Variants in ZNF839 observed in about 807,000 individuals in gnomAD.
The protein encoded by ZNF839 is renal carcinoma antigen NY-REN-50.
Under a neutral mutation model 56.4 loss-of-function variants are expected in ZNF839, and 38 were observed. The ratio of observed to expected loss-of-function variants is 0.67; its 90% CI spans 0.52 to 0.88. The LOEUF (loss-of-function observed/expected upper bound fraction) is 0.88, where lower values mean the gene tolerates loss of function less well. Among genes scored for constraint, ZNF839 ranks in the 40% least tolerant of loss-of-function variants. The pLI, the probability that ZNF839 is intolerant of heterozygous loss-of-function variation, is 0.00. For synonymous variants in ZNF839, 486 were observed against 493.5 expected (o/e 0.98, Z 0.20); for missense variants, 1,091 against 1,177.6 (o/e 0.93, Z 1.08).
rs377689182 is a variant in ZNF839 at position 102,331,715 on chromosome 14, C to T, written c.1285C>T (p.Arg429Cys). The T allele has an allele frequency of 1.2e-5, 20 of 1,609,742 alleles. No homozygotes were observed. The highest frequency in any genetic ancestry group is 5.1e-5 in the Admixed American group (3 of 59,344). Residue 429 changes from arginine to cysteine, a missense_variant, in exon 3 of 8, where the codon CGC (arginine) becomes TGC (cysteine). Arg to Cys is a radical substitution (Grantham distance 180). This residue lies in a region of ZNF839 where 614 missense variants were observed against 629.2 expected (regional missense o/e 0.98). Transcript: ENST00000442396. ...AGAGAGATACCAAGGACCTAGAAGA[C>T]GCGCATGCTCAGAGACCCTTGCAGA... is the stretch of plus-strand genomic sequence containing the variant. ...RSERYQGPRR[R>C]ACSETLAESR...
chr14:102,338,734 G>GT, intron 5 of ZNF839, 82 bp from the exon 6 acceptor site: 1 of 1,582,158 alleles, frequency 6.3e-7, no homozygotes, highest in Non-Finnish European at 8.6e-7. Context: ...CTATGAAGTC[G>GT]TTTAATTCTT....
chr14:102,331,646 G>A lies in ZNF839; in HGVS notation c.1216G>A (p.Glu406Lys). 1 of 1,612,250 alleles carries A rather than the reference G, an allele frequency of 6.2e-7. No individual in the cohort carries two copies. The highest frequency in any genetic ancestry group is 1.1e-5 in the South Asian group (1 of 90,630). Residue 406 changes from glutamate (E) to lysine (K), a missense_variant, in exon 3 of 8, where the codon GAG becomes AAG. This residue lies in a region of ZNF839 where 614 missense variants were observed against 629.2 expected (regional missense o/e 0.98). Coordinates refer to ENST00000442396, the MANE Select transcript of ZNF839 (RefSeq NM_018335.6). ...GAATGGTCAGTCTGTAGACGTTGAA[G>A]AGACATTGCCATCTGAACCAGAAAA... Reference protein sequence around the residue: ...LQNGQSVDVEETLPSEPENGA... With the variant: ...LQNGQSVDVEKTLPSEPENGA...
chr14:102,328,375 A>AAATATATAT (rs1197718891), intron 2 of ZNF839, among the ~76,000 whole-genome samples: 16 of 16,334 alleles, frequency 9.8e-4, no homozygotes, highest in Non-Finnish European at 1.9e-3. Context: ...AAAAAAAAAA[A>AAATATATAT]ATATATATAT....
rs1337945924 is a variant in ZNF839, at chr14:102,341,432, G to A, written c.2037G>A (p.Gln679=). ...TGTTCCAGGCGGGCCCGCAGCTTCAGGCACTGGCTAACTTAGAAGCCAGGA... is the reference window on the plus strand; with the variant it reads ...TGTTCCAGGCGGGCCCGCAGCTTCAAGCACTGGCTAACTTAGAAGCCAGGA... The part of the protein sequence containing the change: ...GSVFQAGPQL[Q]ALANLEARRG... Residue 679 remains glutamine, a synonymous_variant, in exon 8 of 8, where the codon CAG becomes CAA. Coordinates refer to ENST00000442396, the MANE Select transcript of ZNF839 (RefSeq NM_018335.6). 1.9e-5 allele frequency: 31 copies of A among 1,593,398 alleles called. No homozygotes were observed. Among genetic ancestry groups the A allele is most frequent in the Non-Finnish European group, 2.7e-5 (31 of 1,169,506 alleles).
At chr14:102,338,702 G>A in intron 5 of ZNF839, 114 bp from the exon 6 acceptor site, 3 of 1,453,850 alleles carry the variant, frequency 2.1e-6, no homozygotes, top group South Asian at 1.3e-5. Flanking sequence ...CACAGTAGGT[G>A]AGGAACTTTG....
Position 102,332,856 on chromosome 14 carries a change from G to A in ZNF839, c.1416+1010G>A, listed in dbSNP as rs1305224915. ...ACCCAGGAGGCGGAGGTTGCAGTGA[G>A]CCAAGATCGTGCCATTGCACTCCAG... On this transcript the variant is annotated intron_variant, in intron 3 of 7. Coordinates refer to ENST00000442396, the MANE Select transcript of ZNF839 (RefSeq NM_018335.6). This position sits in a 1 kb window ranked among gnomAD's most constrained non-coding sequence, Gnocchi z 4.9. 3.9e-5 allele frequency among the ~76,000 whole-genome samples: 6 copies of A among 152,228 alleles called. No individual in the cohort carries two copies. Among genetic ancestry groups the A allele is most frequent in the South Asian group, 2.1e-4 (1 of 4,828 alleles).
At position 102,332,865 on chromosome 14, in the gene ZNF839, G is replaced by A. The variant is rs551801471; in HGVS notation, c.1416+1019G>A. Among the ~76,000 whole-genome samples the A allele has an allele frequency of 2.2e-4, 33 of 152,310 alleles. No homozygotes were observed. The South Asian group carries it at 2.7e-3, about 12-fold the overall frequency. On this transcript the variant is annotated intron_variant, in intron 3 of 7. Transcript: ENST00000442396. The surrounding 1 kb of genome is among the most constrained non-coding windows in gnomAD (Gnocchi z 4.9). ...GCGGAGGTTGCAGTGAGCCAAGATC[G>A]TGCCATTGCACTCCAGCCTGGGGGA... is the stretch of plus-strand genomic sequence containing the variant.
At position 102,341,796 on chromosome 14, in the gene ZNF839, G is replaced by A; in HGVS notation, c.2401G>A (p.Glu801Lys). Residue 801 changes from glutamate (E) to lysine (K), a missense_variant, in exon 8 of 8, where the codon GAG becomes AAG. Transcript: ENST00000442396. ...LPTEVAAPPL[E>K]KILSVDSVAV... ...TACAGAGGTGGCAGCCCCTCCGCTT[G>A]AGAAAATTTTGTCTGTGGATAGCGT... 2 of 1,614,058 alleles carry A rather than the reference G, an allele frequency of 1.2e-6. No individual in the cohort carries two copies. Among genetic ancestry groups the A allele is most frequent in the Middle Eastern group, 1.6e-4 (1 of 6,062 alleles).
chr14:102,329,172 T>C (rs891650022), intron 2 of ZNF839, among the ~76,000 whole-genome samples: 1 of 151,780 alleles, frequency 6.6e-6, no homozygotes, highest in African/African-American at 2.4e-5. Flanking sequence ...GGTTTCACCA[T>C]GTTAGCCAAG....
rs1179607911 is a variant in ZNF839 at position 102,341,470 on chromosome 14, G to A, written c.2075G>A (p.Gly692Asp). The A allele has an allele frequency of 5.6e-6, 9 of 1,598,648 alleles. No homozygotes were observed. Among genetic ancestry groups the A allele is most frequent in the Non-Finnish European group, 6.8e-6 (8 of 1,171,088 alleles). Reference protein sequence around the residue: ...ANLEARRGSIGAALSSRDVSG... With the variant: ...ANLEARRGSIDAALSSRDVSG... ...TTAGAAGCCAGGAGGGGGTCTATAG[G>A]TGCTGCTCTCTCATCCCGGGATGTC... The change falls in exon 8 of 8, where the codon GGT becomes GAT. Residue 692 changes from glycine (G) to aspartate (D), a missense_variant. Physicochemically the swap from Gly to Asp is moderately conservative, Grantham distance 94. This residue lies in a region of ZNF839 where 431 missense variants were observed against 468.0 expected (regional missense o/e 0.92). Coordinates refer to ENST00000442396, the MANE Select transcript of ZNF839 (RefSeq NM_018335.6).
chr14:102,336,512 C>G, intron 5 of ZNF839: 1 of 303,156 alleles, frequency 3.3e-6, no homozygotes, highest in Non-Finnish European at 6.4e-6. Flanking sequence ...CCAGGCTGGT[C>G]TCGAACTCCT....
chr14:102,323,272 G>C (rs1399859849), intron 1 of ZNF839, among the ~76,000 whole-genome samples: 1 of 152,240 alleles, frequency 6.6e-6, no homozygotes, highest in African/African-American at 2.4e-5. Context: ...CAGAGATGCT[G>C]CTGGCCATCC....
In ZNF839 at chr14:102,341,505, C is replaced by T. The variant is rs1343301322; in HGVS notation, c.2110C>T (p.Pro704Ser). 1 of 1,599,656 alleles carries T rather than the reference C, an allele frequency of 6.3e-7. No individual in the cohort carries two copies. Among genetic ancestry groups the T allele is most frequent in the Non-Finnish European group, 8.5e-7 (1 of 1,171,556 alleles). Reference sequence around the variant, plus strand: ...CTCATCCCGGGATGTCAGTGGGCTGCCTGTTTATGCTCAGTCAGGAGAGCC... The same window carrying T: ...CTCATCCCGGGATGTCAGTGGGCTGTCTGTTTATGCTCAGTCAGGAGAGCC... ...ALSSRDVSGL[P>S]VYAQSGEPRR... is the part of the protein sequence containing the mutation. Residue 704 changes from proline to serine, a missense_variant, in exon 8 of 8, where the codon CCT becomes TCT. By Grantham distance (74) the Pro-to-Ser change is moderately conservative. This residue lies in a region of ZNF839 where 431 missense variants were observed against 468.0 expected (regional missense o/e 0.92). Coordinates refer to ENST00000442396, the MANE Select transcript of ZNF839 (RefSeq NM_018335.6).
Position 102,326,968 on chromosome 14 carries a change from T to TC in ZNF839, c.1191+81_1191+82insC. The TC allele has an allele frequency of 7.1e-7, 1 of 1,406,346 alleles. No individual in the cohort carries two copies. Among genetic ancestry groups the TC allele is most frequent in the Non-Finnish European group, 9.4e-7 (1 of 1,065,246 alleles). The allele number at this position is 1,406,346 out of a possible 1,614,324, so 87.1% of individuals were successfully genotyped here. On this transcript the variant is annotated intron_variant, in intron 2 of 7. Transcript: ENST00000442396. This position sits in a 1 kb window ranked among gnomAD's most constrained non-coding sequence, Gnocchi z 4.3. ...AAAGAAATACCTGAGACCAGGTATT[T>TC]TATAAAGAAAAGAGGGTTGGCTCAC...
In ZNF839 at chr14:102,326,116, G is replaced by A; in HGVS notation, c.420G>A (p.Leu140=). 1.2e-6 allele frequency: 2 copies of A among 1,613,964 alleles called. No homozygotes were observed. The highest frequency in any genetic ancestry group is 1.7e-6 in the Non-Finnish European group (2 of 1,179,868). The change falls in exon 2 of 8, where the codon CTG becomes CTA. Residue 140 remains leucine (L), a synonymous_variant. Coordinates refer to ENST00000442396, the MANE Select transcript of ZNF839 (RefSeq NM_018335.6). The surrounding 1 kb of genome is among the most constrained non-coding windows in gnomAD (Gnocchi z 4.3). ...KSQLPRGNSC[L]VGLHIASPQL... ...AGCTGCCCCGGGGGAATTCCTGCCT[G>A]GTGGGGCTCCATATCGCCAGCCCTC...
chr14:102,320,927 C>T (rs2073095191), intron 1 of ZNF839, among the ~76,000 whole-genome samples: 1 of 152,174 alleles, frequency 6.6e-6, no homozygotes, highest in Admixed American at 6.5e-5. Context: ...AAATTAGTCT[C>T]ACCCCAAAAT....
chr14:102,329,799 T>C (rs888672003), intron 2 of ZNF839, among the ~76,000 whole-genome samples: 4 of 147,734 alleles, frequency 2.7e-5, no homozygotes, highest in Non-Finnish European at 4.5e-5. Flanking sequence ...CTTTTTTTTT[T>C]TTTTTTTTTT....
chr14:102,336,875 C>T (rs371948344), intron 5 of ZNF839: 8 of 199,420 alleles, frequency 4.0e-5, no homozygotes, highest in East Asian at 3.4e-4. Flanking sequence ...CTGGGACTAC[C>T]GCCGTGTGTC....
chr14:102,334,236 C>G (rs2073918163), intron 3 of ZNF839, among the ~76,000 whole-genome samples: 1 of 152,222 alleles, frequency 6.6e-6, no homozygotes, highest in Non-Finnish European at 1.5e-5. Flanking sequence ...GCTGTGCCAC[C>G]CCCTCACCTG....
Sources: allele counts gnomAD v4.1 joint callset (sites outside exome capture counted in the v4.1 genomes callset), GRCh38; gene constraint gnomAD v4.1.1; regional missense constraint gnomAD v4.1.1; non-coding constraint Gnocchi (gnomAD v3.1); transcripts MANE v1.5; gene names NCBI Gene and HGNC (gene_info 2026-07-23, HGNC 2026-07-21).